The following RFX4 variants were observed in gnomAD, a reference collection of about 807,000 sequenced individuals.
The protein encoded by RFX4 is transcription factor RFX4.
In RFX4, 10 loss-of-function variants were observed where a neutral mutation model predicts 95.0. The ratio of observed to expected loss-of-function variants is 0.11; its 90% confidence interval spans 0.06 to 0.18. The LOEUF (loss-of-function observed/expected upper bound fraction) is 0.18. RFX4 is among the 10% of genes least tolerant of loss of function. The pLI, the probability that RFX4 is intolerant of heterozygous loss-of-function variation, is 1.00. For missense variants in RFX4, 640 were observed against 922.0 expected (o/e 0.69, Z 3.96); for synonymous variants, 321 against 340.7 (o/e 0.94, Z 0.64).
intron 1 of RFX4, among the ~76,000 whole-genome samples, chr12:106,605,694 T>C (rs529370287): frequency 6.6e-6 from 1 of 152,330 alleles, no homozygotes; most frequent in South Asian, 2.1e-4. Context: ...GAACAATTTC[T>C]TCCAAGAAAG....
chr12:106,588,743 G>T (rs905571082), intron 1 of RFX4, among the ~76,000 whole-genome samples: 2 of 152,184 alleles, frequency 1.3e-5, no homozygotes, highest in African/African-American at 4.8e-5. Flanking sequence ...CCGCGTTTGT[G>T]TTCTGACATC....
At chr12:106,597,585 C>A (rs1451459021) in intron 1 of RFX4, among the ~76,000 whole-genome samples, 1 of 152,198 alleles carries the variant, frequency 6.6e-6, no homozygotes, top group African/African-American at 2.4e-5. Context: ...AGATGAAGAA[C>A]CGAAGGCTCA....
chr12:106,688,152 C>T (rs1318828795), intron 6 of RFX4, among the ~76,000 whole-genome samples: 1 of 150,318 alleles, frequency 6.7e-6, no homozygotes, highest in East Asian at 1.9e-4. Flanking sequence ...TCACTGCAAC[C>T]TCCGCCTCCC....
intron 1 of RFX4, among the ~76,000 whole-genome samples, chr12:106,602,143 T>C (rs2039724865): frequency 6.6e-6 from 1 of 152,234 alleles, no homozygotes; most frequent in Admixed American, 6.5e-5. Flanking sequence ...AACTAGCTTC[T>C]CTGGATCTGA....
chr12:106,624,963 A>G (rs965597736), intron 2 of RFX4, among the ~76,000 whole-genome samples: 1 of 152,194 alleles, frequency 6.6e-6, no homozygotes, highest in Admixed American at 6.5e-5. Flanking sequence ...ACCCACTGAG[A>G]GGACTGCTTT....
chr12:106,686,839 C>CTTT, intron 5 of RFX4, 45 bp from the exon 6 acceptor site: 14 of 1,395,308 alleles, frequency 1.0e-5, no homozygotes, highest in South Asian at 3.7e-5. Context: ...GGGTCTCTCT[C>CTTT]TTTTTTTTTT....
At chr12:106,760,235 CAAAGA>C (rs1041727159) in intron 17 of RFX4, among the ~76,000 whole-genome samples, 3 of 152,192 alleles carry the variant, frequency 2.0e-5, no homozygotes, top group Admixed American at 1.3e-4. Flanking sequence ...CTCAGCACAG[CAAAGA>C]AATCTTTGTG....
intron 15 of RFX4, 149 bp downstream of exon 15, chr12:106,733,234 G>A: frequency 1.3e-6 from 1 of 774,554 alleles, no homozygotes; most frequent in South Asian, 1.8e-5. Context: ...TACTTGGGAG[G>A]CTGAGGTGGG....
intron 1 of RFX4, among the ~76,000 whole-genome samples, chr12:106,599,184 G>GTT (rs113106700): frequency 7.3e-6 from 1 of 137,716 alleles, no homozygotes; most frequent in Non-Finnish European, 1.6e-5. Context: ...CCTCCTCGTT[G>GTT]TTTTTTTTTT....
At chr12:106,650,083 A>G (rs2040829659) in intron 3 of RFX4, among the ~76,000 whole-genome samples, 1 of 152,192 alleles carries the variant, frequency 6.6e-6, no homozygotes, top group Admixed American at 6.5e-5. Flanking sequence ...CACCTCCCCT[A>G]GAGGTACAGA....
chr12:106,679,482 A>C (rs2041463868), intron 4 of RFX4, among the ~76,000 whole-genome samples: 2 of 151,710 alleles, frequency 1.3e-5, no homozygotes, highest in Non-Finnish European at 2.9e-5. Context: ...AAAACCAAAA[A>C]CCACAATACT....
intron 4 of RFX4, among the ~76,000 whole-genome samples, chr12:106,670,592 A>C (rs546890051): frequency 1.3e-5 from 2 of 152,208 alleles, no homozygotes; most frequent in Non-Finnish European, 2.9e-5. Flanking sequence ...AATTTCTTGT[A>C]GAAATTTTGC....
chr12:106,628,975 T>C (rs1592869394), intron 2 of RFX4, among the ~76,000 whole-genome samples: 1 of 152,222 alleles, frequency 6.6e-6, no homozygotes, highest in African/African-American at 2.4e-5. Context: ...GTTAGGCTGG[T>C]CTCGAATTCC....
rs537602017 is a variant in RFX4 at position 106,585,523 on chromosome 12, G to A, written c.43+2160G>A. ...CCGACTTGCAAAACCGACGACAAGG[G>A]AAGTGCGGCTCGGCGTGGTCCAGTC... is the stretch of plus-strand genomic sequence containing the variant. On this transcript the variant is annotated intron_variant, in intron 1 of 17. Coordinates refer to ENST00000392842, the MANE Select transcript of RFX4 (RefSeq NM_213594.3). Among the ~76,000 whole-genome samples, 274 of 152,328 alleles carry A rather than the reference G, an allele frequency of 1.8e-3. 2 individuals are homozygous for A. Among genetic ancestry groups the A allele is most frequent in the Non-Finnish European group, 1.4e-3 (97 of 68,026 alleles).
At chr12:106,615,990 T>G (rs1314204973) in intron 2 of RFX4, among the ~76,000 whole-genome samples, 1 of 152,240 alleles carries the variant, frequency 6.6e-6, no homozygotes, top group East Asian at 1.9e-4. Context: ...GGTTCTCTAG[T>G]GCAATTTTGA....
chr12:106,720,726 C>T lies in RFX4; in HGVS notation c.1234-33C>T, dbSNP rs763948794. ...GACAGTAATAAATGAAAGGTCAAGT[C>T]GACCACTATTAAAGCCATTTACTTT... On this transcript the variant is annotated intron_variant, in intron 12 of 17. Transcript: ENST00000392842. The surrounding 1 kb of genome is among the most constrained non-coding windows in gnomAD (Gnocchi z 4.2). 29 of 1,584,430 alleles carry T rather than the reference C, an allele frequency of 1.8e-5. No homozygotes were observed. The highest frequency in any genetic ancestry group is 6.7e-5 in the Admixed American group (4 of 59,960).
chr12:106,640,979 C>T (rs1464283415), intron 3 of RFX4, among the ~76,000 whole-genome samples: 1 of 151,992 alleles, frequency 6.6e-6, no homozygotes, highest in African/African-American at 2.4e-5. Flanking sequence ...CAGGGTTTCA[C>T]CATGTTGGCT....
intron 1 of RFX4, among the ~76,000 whole-genome samples, chr12:106,604,152 A>C: frequency 8.1e-6 from 1 of 124,056 alleles, no homozygotes. Flanking sequence ...ATGGAGTCTC[A>C]CTCTGTCACC....
At chr12:106,692,850 A>T (rs2041810159) in intron 7 of RFX4, among the ~76,000 whole-genome samples, 1 of 152,180 alleles carries the variant, frequency 6.6e-6, no homozygotes, top group African/African-American at 2.4e-5. Context: ...GGAAGACATC[A>T]TTATCTTCAT....
Sources: gnomAD v4.1 joint callset for allele counts (sites outside exome capture counted in the v4.1 genomes callset) on GRCh38, gnomAD v4.1.1 for gene constraint, Gnocchi (gnomAD v3.1) non-coding constraint, MANE v1.5 for transcripts, NCBI Gene and HGNC (gene_info 2026-07-23, HGNC 2026-07-21) for gene names.